SPOCK3: variants seen among roughly 807,000 people sequenced by gnomAD.
The protein encoded by SPOCK3 is SPARC (osteonectin), cwcv and kazal like domains proteoglycan 3.
SPOCK3 carries 30 observed loss-of-function variants against 56.6 expected under a neutral mutation model. The ratio of observed to expected loss-of-function variants is 0.53; its 90% CI spans 0.40 to 0.72. The LOEUF (loss-of-function observed/expected upper bound fraction) is 0.72, where lower values mean the gene tolerates loss of function less well. SPOCK3 is among the 30% of genes least tolerant of loss of function. The probability of loss-of-function intolerance (pLI) is 0.00; values close to 1 mark genes in which losing one functional copy is unlikely to be tolerated. For missense variants in SPOCK3, 527 were observed against 530.0 expected, an observed-to-expected ratio of 0.99 and a Z score of 0.06; for synonymous variants, 196 against 183.3, an observed-to-expected ratio of 1.07 and a Z score of -0.56.
chr4:166,876,918 CTT>C (rs1733151221), intron 6 of SPOCK3, among the ~76,000 whole-genome samples: 1 of 151,190 alleles, frequency 6.6e-6, no homozygotes, highest in South Asian at 2.1e-4. Flanking sequence ...AGTGAGATAA[CTT>C]TAATAATAAT....
intron 2 of SPOCK3, among the ~76,000 whole-genome samples, chr4:167,145,665 A>T (rs1763884862): frequency 6.6e-6 from 1 of 152,114 alleles, no homozygotes; most frequent in Admixed American, 6.6e-5. Context: ...CAACACTCTT[A>T]AAGAAAAGAA....
rs5863852 is a variant in SPOCK3, at chr4:166,992,816, C to CTT, written c.350+7531_350+7532dup. ...ACTATTTGAATCTTCCTTTGCTGTA[C>CTT]TTTTTCCCCCCAATTCATACTCTTT... On this transcript the variant is annotated intron_variant, in intron 4 of 10. Transcript: ENST00000357545. Among the ~76,000 whole-genome samples, 5 of 152,030 alleles carry CTT rather than the reference C, an allele frequency of 3.3e-5. No individual in the cohort carries two copies. The East Asian group carries it at 5.8e-4, about 18-fold the overall frequency.
At chr4:167,200,124 A>T (rs577811725) in intron 2 of SPOCK3, among the ~76,000 whole-genome samples, 6 of 152,204 alleles carry the variant, frequency 3.9e-5, no homozygotes, top group African/African-American at 1.4e-4. Flanking sequence ...ATTACTAAAA[A>T]TACAATCAGG....
intron 4 of SPOCK3, among the ~76,000 whole-genome samples, chr4:166,930,948 T>C (rs1731530057): frequency 1.3e-5 from 2 of 152,152 alleles, no homozygotes; most frequent in African/African-American, 4.8e-5. Flanking sequence ...TAATGTCTCA[T>C]TCTACGTTTC....
chr4:166,752,694 A>C (rs1452163838), intron 8 of SPOCK3, among the ~76,000 whole-genome samples: 3 of 152,026 alleles, frequency 2.0e-5, no homozygotes, highest in Non-Finnish European at 4.4e-5. Context: ...ATCAGCATAT[A>C]AATTAATGGT....
At chr4:167,219,941 C>T (rs10001399) in intron 2 of SPOCK3, among the ~76,000 whole-genome samples, 2 of 151,910 alleles carry the variant, frequency 1.3e-5, no homozygotes, top group African/African-American at 4.8e-5. Context: ...ATGTAGACAA[C>T]AAAATATTCT....
At chr4:166,888,748 G>A (rs1368250933) in intron 6 of SPOCK3, among the ~76,000 whole-genome samples, 4 of 151,936 alleles carry the variant, frequency 2.6e-5, no homozygotes, top group African/African-American at 7.2e-5. Context: ...TGACTGAGCA[G>A]TTGCAGATCT....
At chr4:166,872,367 C>T (rs56702688) in intron 6 of SPOCK3, among the ~76,000 whole-genome samples, 1 of 152,060 alleles carries the variant, frequency 6.6e-6, no homozygotes, top group South Asian at 2.1e-4. Context: ...AATTTAGCAT[C>T]GTTGCAGGAT....
intron 6 of SPOCK3, among the ~76,000 whole-genome samples, chr4:166,817,515 G>A (rs977799806): frequency 4.6e-5 from 7 of 152,018 alleles, no homozygotes; most frequent in Non-Finnish European, 8.8e-5. Context: ...GGGTCACAGA[G>A]TAATATCAAG....
At chr4:167,155,677 T>C (rs1056524970) in intron 2 of SPOCK3, among the ~76,000 whole-genome samples, 1 of 152,122 alleles carries the variant, frequency 6.6e-6, no homozygotes, top group Non-Finnish European at 1.5e-5. Context: ...GTGGACTTTG[T>C]TAACAGGAAA....
At chr4:167,216,108 G>C (rs1735326973) in intron 2 of SPOCK3, among the ~76,000 whole-genome samples, 1 of 152,038 alleles carries the variant, frequency 6.6e-6, no homozygotes, top group Non-Finnish European at 1.5e-5. Context: ...TTCTTCTGAT[G>C]AACAGCCACC....
chr4:167,020,041 T>C (rs1182374724), intron 3 of SPOCK3, among the ~76,000 whole-genome samples: 1 of 152,038 alleles, frequency 6.6e-6, no homozygotes, highest in African/African-American at 2.4e-5. Flanking sequence ...GTTACAGAAG[T>C]GAAACTTTAA....
intron 2 of SPOCK3, among the ~76,000 whole-genome samples, chr4:167,124,078 A>C (rs1195384389): frequency 3.3e-5 from 5 of 152,036 alleles, no homozygotes; most frequent in Admixed American, 3.3e-4. Context: ...TGTTTTCTTC[A>C]CTAAGAATTC....
intron 3 of SPOCK3, among the ~76,000 whole-genome samples, chr4:167,044,123 G>T (rs1005906003): frequency 1.3e-5 from 2 of 151,986 alleles, no homozygotes; most frequent in Non-Finnish European, 2.9e-5. Flanking sequence ...ATCTTTAATA[G>T]ATATCAGTCT....
chr4:166,891,244 T>A (rs376941847), intron 5 of SPOCK3, among the ~76,000 whole-genome samples: 2 of 152,158 alleles, frequency 1.3e-5, no homozygotes, highest in African/African-American at 4.8e-5. Flanking sequence ...GCTACTGCCA[T>A]AATTTACTCA....
At chr4:166,951,717 CA>C (rs2150037472) in intron 4 of SPOCK3, among the ~76,000 whole-genome samples, 1 of 143,248 alleles carries the variant, frequency 7.0e-6, no homozygotes, top group East Asian at 2.0e-4. Flanking sequence ...AGCAGCACAT[CA>C]AAAAGCTTAT....
At chr4:166,804,559 T>C (rs544141061) in intron 6 of SPOCK3, among the ~76,000 whole-genome samples, 1 of 152,288 alleles carries the variant, frequency 6.6e-6, no homozygotes, top group African/African-American at 2.4e-5. Flanking sequence ...ACTTGCATTG[T>C]GAACATTAAG....
Position 167,189,024 on chromosome 4 carries a change from C to T in SPOCK3, c.189+44961G>A, listed in dbSNP as rs1018232313. On this transcript the variant is annotated intron_variant, in intron 2 of 10. Transcript: ENST00000357545. ...TCAAACATTTCAGAATGAATAGTAA[C>T]AACCCTACAGAAATTCTTCTCAAAT... 1.4e-5 allele frequency among the ~76,000 whole-genome samples: 2 copies of T among 146,054 alleles called. 1 individual carries two copies. Among genetic ancestry groups the T allele is most frequent in the African/African-American group, 5.2e-5 (2 of 38,300 alleles).
chr4:166,792,102 TA>T lies in SPOCK3; in HGVS notation c.709+67del, dbSNP rs1356638747. 9 of 1,571,952 alleles carry T rather than the reference TA, an allele frequency of 5.7e-6. No individual in the cohort carries two copies. In the Admixed American group the frequency reaches 1.2e-4, roughly 21 times the overall value. ...AAATACTGAAATATGTGTTTTGTTC[TA>T]AGTGGTTCATTGGAAATAAAACTTC... On this transcript the variant is annotated intron_variant, in intron 7 of 10. Transcript: ENST00000357545.
Sources: allele counts gnomAD v4.1 joint callset (sites outside exome capture counted in the v4.1 genomes callset), GRCh38; gene constraint gnomAD v4.1.1; transcripts MANE v1.5; gene names NCBI Gene and HGNC (gene_info 2026-07-23, HGNC 2026-07-21).